Variants in CAMKMT observed in about 807,000 individuals in gnomAD.
CAMKMT encodes the protein calmodulin-lysine N-methyltransferase.
A neutral mutation model predicts 48.0 loss-of-function variants in CAMKMT; 53 were observed. The observed-to-expected ratio is 1.10, with a 90% confidence interval of 0.89 to 1.39. CAMKMT has a LOEUF of 1.39. Ranked by LOEUF, CAMKMT falls within the 40% of genes most tolerant of loss-of-function variation. CAMKMT has a pLI of 0.00. For missense variants in CAMKMT, 428 were observed against 402.7 expected (o/e 1.06, Z -0.54); for synonymous variants, 165 against 152.3 (o/e 1.08, Z -0.61).
intron 3 of CAMKMT, among the ~76,000 whole-genome samples, chr2:44,453,189 T>C (rs972021106): frequency 6.6e-6 from 1 of 152,006 alleles, no homozygotes; most frequent in Admixed American, 6.6e-5. Flanking sequence ...GATGTGGCTG[T>C]AGGGAGCAAA....
At chr2:44,532,578 G>A (rs1428583923) in intron 3 of CAMKMT, among the ~76,000 whole-genome samples, 1 of 152,120 alleles carries the variant, frequency 6.6e-6, no homozygotes, top group East Asian at 1.9e-4. Context: ...GGGAAAAATG[G>A]CATGGAAATA....
intron 3 of CAMKMT, among the ~76,000 whole-genome samples, chr2:44,603,978 C>T (rs1180299698): frequency 6.6e-6 from 1 of 152,180 alleles, no homozygotes; most frequent in Non-Finnish European, 1.5e-5. Context: ...AGACCTGGTA[C>T]AGTTGTCAAA....
At chr2:44,766,017 A>G (rs949315787) in intron 9 of CAMKMT, among the ~76,000 whole-genome samples, 12 of 152,202 alleles carry the variant, frequency 7.9e-5, no homozygotes, top group African/African-American at 2.9e-4. Flanking sequence ...ATCTGTTGTC[A>G]CATGCCCCAG....
At chr2:44,388,981 G>A (rs1026497352) in intron 2 of CAMKMT, among the ~76,000 whole-genome samples, 2 of 152,156 alleles carry the variant, frequency 1.3e-5, no homozygotes, top group African/African-American at 4.8e-5. Context: ...TGTGCTGGTT[G>A]ACCTCCTGCT....
chr2:44,517,675 A>G (rs1463521724), intron 3 of CAMKMT, among the ~76,000 whole-genome samples: 1 of 152,200 alleles, frequency 6.6e-6, no homozygotes, highest in Non-Finnish European at 1.5e-5. Context: ...CTCAAGTTAC[A>G]GGCCAAATTG....
chr2:44,520,921 T>C (rs35609435), intron 3 of CAMKMT, among the ~76,000 whole-genome samples: 83,984 of 152,060 alleles, frequency 0.55, 23,737 homozygotes, highest in Middle Eastern at 0.61. Flanking sequence ...GTGGCTTCTG[T>C]CATGACTGTA....
chr2:44,658,220 C>T (rs758785001), intron 3 of CAMKMT, among the ~76,000 whole-genome samples: 6 of 152,254 alleles, frequency 3.9e-5, no homozygotes, highest in South Asian at 2.1e-4. Context: ...TCTTCTAGTG[C>T]GGCTGAGAAT....
chr2:44,450,895 T>A (rs1027493133), intron 3 of CAMKMT, among the ~76,000 whole-genome samples: 3 of 152,148 alleles, frequency 2.0e-5, no homozygotes, highest in Non-Finnish European at 2.9e-5. Context: ...CAAAGATTAT[T>A]TGAGCATTAA....
intron 3 of CAMKMT, among the ~76,000 whole-genome samples, chr2:44,508,516 GT>G (rs1339664320): frequency 2.0e-5 from 3 of 152,206 alleles, no homozygotes; most frequent in Non-Finnish European, 4.4e-5. Context: ...ACACTCAAAG[GT>G]TGTGAACATC....
chr2:44,493,652 T>C (rs1244496739), intron 3 of CAMKMT, among the ~76,000 whole-genome samples: 2 of 152,232 alleles, frequency 1.3e-5, no homozygotes, highest in Non-Finnish European at 2.9e-5. Context: ...CTTTTCCTTT[T>C]TGAAGTGTGA....
At chr2:44,759,852 C>G (rs1680540802) in intron 9 of CAMKMT, among the ~76,000 whole-genome samples, 1 of 152,206 alleles carries the variant, frequency 6.6e-6, no homozygotes, top group Non-Finnish European at 1.5e-5. Flanking sequence ...ACGTTGCAGT[C>G]TGGTTGTGGA....
chr2:44,581,722 C>T (rs1199880146), intron 3 of CAMKMT, among the ~76,000 whole-genome samples: 4 of 152,168 alleles, frequency 2.6e-5, no homozygotes, highest in African/African-American at 4.8e-5. Flanking sequence ...TGGTTTTTGC[C>T]GGGCGTGGTG....
chr2:44,614,353 G>A (rs926197601), intron 3 of CAMKMT, among the ~76,000 whole-genome samples: 2 of 152,152 alleles, frequency 1.3e-5, no homozygotes, highest in South Asian at 4.1e-4. Flanking sequence ...TGAGAATGAC[G>A]GAGAAGTAAA....
chr2:44,740,734 C>G (rs73924538), intron 7 of CAMKMT, among the ~76,000 whole-genome samples: 1 of 151,908 alleles, frequency 6.6e-6, no homozygotes, highest in East Asian at 1.9e-4. Context: ...TTAACAAATA[C>G]GAGGAAGTAA....
At chr2:44,502,918 C>G (rs1444771157) in intron 3 of CAMKMT, among the ~76,000 whole-genome samples, 5 of 152,038 alleles carry the variant, frequency 3.3e-5, no homozygotes, top group Non-Finnish European at 7.4e-5. Flanking sequence ...ATTTTTTTAA[C>G]TCATCTAATT....
chr2:44,576,346 A>G (rs1468609712), intron 3 of CAMKMT, among the ~76,000 whole-genome samples: 3 of 150,810 alleles, frequency 2.0e-5, no homozygotes, highest in Non-Finnish European at 4.4e-5. Flanking sequence ...AAAAAAAAAA[A>G]GAAAAGAAAA....
At chr2:44,710,713 C>T (rs1394249897) in intron 6 of CAMKMT, among the ~76,000 whole-genome samples, 1 of 151,844 alleles carries the variant, frequency 6.6e-6, no homozygotes, top group African/African-American at 2.4e-5. Context: ...CTTGTGATAA[C>T]AATGACCTAG....
At chr2:44,514,354 A>C (rs944096872) in intron 3 of CAMKMT, among the ~76,000 whole-genome samples, 1 of 152,178 alleles carries the variant, frequency 6.6e-6, no homozygotes, top group African/African-American at 2.4e-5. Flanking sequence ...GCTGATAAAG[A>C]GGTGAGCCTA....
In CAMKMT at chr2:44,772,134, C is replaced by A. The variant is rs373759352; in HGVS notation, c.*21C>A. The A allele has an allele frequency of 6.3e-7, 1 of 1,592,468 alleles. No homozygotes were observed. The highest frequency in any genetic ancestry group is 1.3e-5 in the African/African-American group (1 of 74,174). On this transcript the variant is annotated 3_prime_UTR_variant, in exon 11 of 11. Transcript: ENST00000378494. Reference sequence around the variant, plus strand: ...GATAGAAGATTAAGCTTCTCAAAGACGAAGAAACGTATCAAGTGCATAGGG... The same window carrying A: ...GATAGAAGATTAAGCTTCTCAAAGAAGAAGAAACGTATCAAGTGCATAGGG...
Sources: allele counts gnomAD v4.1 joint callset (sites outside exome capture counted in the v4.1 genomes callset), GRCh38; gene constraint gnomAD v4.1.1; transcripts MANE v1.5; gene names NCBI Gene and HGNC (gene_info 2026-07-23, HGNC 2026-07-21).